TBCK: variants seen among roughly 807,000 people sequenced by gnomAD.
TBCK encodes TBC domain-containing protein kinase-like protein.
TBCK carries 99 observed loss-of-function variants against 113.4 expected under a neutral mutation model. That is an observed-to-expected ratio of 0.87 (90% CI 0.74 to 1.03). TBCK has a LOEUF of 1.03. TBCK is among the 50% of genes least tolerant of loss of function. The pLI is 0.00. For missense variants in TBCK, 1,045 were observed against 1,061.3 expected (o/e 0.98, Z 0.21); for synonymous variants, 369 against 370.8 (o/e 1.00, Z 0.05).
At chr4:106,266,915 A>C (rs1486679572) in intron 3 of TBCK, among the ~76,000 whole-genome samples, 2 of 152,046 alleles carry the variant, frequency 1.3e-5, no homozygotes, top group East Asian at 3.9e-4. Flanking sequence ...TAAAACTATC[A>C]TATGTCTAGT....
At chr4:106,213,210 T>C (rs1472828707) in intron 19 of TBCK, 1 of 176,036 alleles carries the variant, frequency 5.7e-6, no homozygotes, top group Admixed American at 6.0e-5. Flanking sequence ...AGAACATTTA[T>C]AAGCAGTCAC....
chr4:106,292,048 T>C (rs1765769048), intron 3 of TBCK, among the ~76,000 whole-genome samples: 1 of 152,224 alleles, frequency 6.6e-6, no homozygotes, highest in Non-Finnish European at 1.5e-5. Context: ...AGTCTTTGAA[T>C]GATTAAATAT....
intron 19 of TBCK, among the ~76,000 whole-genome samples, chr4:106,226,758 A>C (rs1475867311): frequency 1.3e-5 from 2 of 152,138 alleles, no homozygotes; most frequent in Admixed American, 1.3e-4. Flanking sequence ...GATATTACCC[A>C]AGGTTTTATT....
chr4:106,155,339 T>C (rs1749001136), intron 23 of TBCK, among the ~76,000 whole-genome samples: 1 of 152,146 alleles, frequency 6.6e-6, no homozygotes, highest in Non-Finnish European at 1.5e-5. Flanking sequence ...TAGTCTTCTT[T>C]GAATCAAATG....
rs182267862 is a variant in TBCK, at chr4:106,246,887, G to A, written c.931+252C>T. Among the ~76,000 whole-genome samples the A allele has an allele frequency of 4.6e-4, 70 of 152,080 alleles. No homozygotes were observed. The East Asian group carries it at 0.013, about 28-fold the overall frequency. On this transcript the variant is annotated intron_variant, in intron 10 of 25. Transcript: ENST00000394708. The stretch of plus-strand genomic sequence containing the variant: ...TTTTGTAGAGACAGGATATCTCTAC[G>A]TTGACCAGGCTGGTCTCAAATGGCT...
At chr4:106,069,492 C>T (rs538357025) in intron 25 of TBCK, among the ~76,000 whole-genome samples, 14 of 152,084 alleles carry the variant, frequency 9.2e-5, no homozygotes, top group Non-Finnish European at 1.9e-4. Flanking sequence ...CTGTTCTGTT[C>T]TGTTAGTCTA....
Position 106,233,608 on chromosome 4 carries a change from G to T in TBCK, c.1492C>A (p.Pro498Thr). 1 of 1,611,302 alleles carries T rather than the reference G, an allele frequency of 6.2e-7. No homozygotes were observed. ...AKYDAIDKDT[P>T]IPTDRQIEVD... ...CATACTTGTCTATCTGTAGGAATTGGAGTGTCTTTATCAATTGCATCGTAC... is the reference window on the plus strand; with the variant it reads ...CATACTTGTCTATCTGTAGGAATTGTAGTGTCTTTATCAATTGCATCGTAC... Residue 498 changes from proline (P) to threonine (T), a missense_variant, in exon 16 of 26, where the codon CCA becomes ACA. Transcript: ENST00000394708.
intron 20 of TBCK, among the ~76,000 whole-genome samples, chr4:106,207,338 T>A (rs533336326): frequency 6.6e-6 from 1 of 152,168 alleles, no homozygotes; most frequent in African/African-American, 2.4e-5. Context: ...ATTTCAATGA[T>A]GAAAGATTAA....
chr4:106,056,417 C>A (rs1348695254), intron 25 of TBCK, among the ~76,000 whole-genome samples: 1 of 150,370 alleles, frequency 6.7e-6, no homozygotes, highest in East Asian at 2.0e-4. Context: ...GTTCTTATAT[C>A]TGTCTCTAAG....
intron 25 of TBCK, among the ~76,000 whole-genome samples, chr4:106,075,306 T>C (rs551922238): frequency 6.6e-6 from 1 of 152,344 alleles, no homozygotes; most frequent in South Asian, 2.1e-4. Flanking sequence ...GATTTCCTAA[T>C]GTTGGATTGA....
chr4:106,316,451 G>T, upstream of TBCK: 4 of 1,237,816 alleles, frequency 3.2e-6, no homozygotes, highest in Non-Finnish European at 4.6e-6. Context: ...GAGGAAGAAA[G>T]AATTGAGGGT....
chr4:106,163,391 AACCTCAGCCTGTT>A (rs1297039900), intron 23 of TBCK: 3 of 152,276 alleles, frequency 2.0e-5, no homozygotes, highest in Non-Finnish European at 4.4e-5. Context: ...AAACTGTTCC[AACCTCAGCCTGTT>A]ATCCAGTTCC....
chr4:106,171,341 C>T, intron 22 of TBCK, 71 bp from the exon 23 acceptor site: 1 of 1,173,166 alleles, frequency 8.5e-7, no homozygotes, highest in Non-Finnish European at 1.2e-6. Context: ...TAAACACCAT[C>T]TCTCCTAAGT....
intron 15 of TBCK, 103 bp from the exon 16 acceptor site, chr4:106,233,753 C>A: frequency 1.1e-6 from 1 of 882,966 alleles, no homozygotes; most frequent in Non-Finnish European, 1.7e-6. Context: ...GGAAACCTAC[C>A]CAACTACAGA....
At chr4:106,132,928 C>T (rs10017969) in intron 23 of TBCK, among the ~76,000 whole-genome samples, 61,153 of 152,116 alleles carry the variant, frequency 0.4, 12,597 homozygotes, top group African/African-American at 0.48. Context: ...TGTACCCCCA[C>T]TGTATTTGGG....
intron 23 of TBCK, among the ~76,000 whole-genome samples, chr4:106,122,198 C>T (rs1362829491): frequency 6.6e-6 from 1 of 151,522 alleles, no homozygotes; most frequent in Admixed American, 6.6e-5. Context: ...GGGATATCAC[C>T]ACCGATCCCA....
chr4:106,286,066 A>G (rs17036649), intron 3 of TBCK, among the ~76,000 whole-genome samples: 2,873 of 152,330 alleles, frequency 0.019, 265 homozygotes, highest in Admixed American at 0.14. Context: ...AAAGGCAGTA[A>G]GTACTGAATG....
At chr4:106,159,167 GA>G (rs1749462686) in intron 23 of TBCK, among the ~76,000 whole-genome samples, 1 of 152,014 alleles carries the variant, frequency 6.6e-6, no homozygotes, top group Admixed American at 6.6e-5. Context: ...AGTCATATAT[GA>G]AAAACCCACA....
At chr4:106,100,619 A>C (rs1320615790) in intron 24 of TBCK, among the ~76,000 whole-genome samples, 2 of 152,200 alleles carry the variant, frequency 1.3e-5, no homozygotes, top group African/African-American at 4.8e-5. Context: ...TTTTGCCTGC[A>C]AGATTATCTC....
Sources: gnomAD v4.1 joint callset for allele counts (sites outside exome capture counted in the v4.1 genomes callset) on GRCh38, gnomAD v4.1.1 for gene constraint, MANE v1.5 for transcripts, NCBI Gene and HGNC (gene_info 2026-07-23, HGNC 2026-07-21) for gene names.